CWF19L1: variants seen among roughly 807,000 people sequenced by gnomAD.
CWF19L1 encodes the protein CWF19-like protein 1.
CWF19L1 carries 60 observed loss-of-function variants against 69.7 expected under a neutral mutation model. That is an observed-to-expected ratio of 0.86 (90% CI 0.70 to 1.07). The LOEUF (loss-of-function observed/expected upper bound fraction) is 1.07. CWF19L1 is among the 50% of genes least tolerant of loss of function. The pLI is 0.00. For missense variants in CWF19L1, 591 were observed against 638.9 expected (o/e 0.92, Z 0.81); for synonymous variants, 209 against 222.2 (o/e 0.94, Z 0.53).
At chr10:100,240,411 A>G (rs1307815896) in intron 10 of CWF19L1, among the ~76,000 whole-genome samples, 2 of 152,194 alleles carry the variant, frequency 1.3e-5, no homozygotes, top group Admixed American at 1.3e-4. Context: ...AAACTCTTCC[A>G]CAGACACCCA....
Position 100,250,254 on chromosome 10 carries a change from C to T in CWF19L1, c.702G>A (p.Lys234=). The change falls in exon 7 of 14, where the codon AAG becomes AAA. Residue 234 remains lysine (K), a synonymous_variant. Coordinates refer to ENST00000354105, the MANE Select transcript of CWF19L1 (RefSeq NM_018294.6). ...CAAATAGGTAAATCTTTACCTTTTT[C>T]TTTTCTGGATTTCCAACATTTGCCA... ...IALANVGNPE[K]KKYLYAFSIV... is the part of the protein sequence containing the mutation. 1.9e-6 allele frequency: 3 copies of T among 1,604,718 alleles called. No individual in the cohort carries two copies. The highest frequency in any genetic ancestry group is 1.7e-6 in the Non-Finnish European group (2 of 1,171,804).
At chr10:100,245,943 G>A (rs758117886) in intron 8 of CWF19L1, 30 bp from the exon 9 acceptor site, 2 of 1,503,458 alleles carry the variant, frequency 1.3e-6, no homozygotes, top group South Asian at 2.3e-5. Context: ...AAGATTAAAT[G>A]TTATTCAACT....
intron 1 of CWF19L1, among the ~76,000 whole-genome samples, chr10:100,266,389 A>G (rs1847584911): frequency 6.7e-6 from 1 of 148,728 alleles, no homozygotes; most frequent in African/African-American, 2.5e-5. Context: ...GGGCCTTGCT[A>G]TATTGCCCAG....
rs77454699 is a variant in CWF19L1, at chr10:100,248,441, G to A, written c.709-1506C>T. ...AAGGGACTCACTTTCTCATTCCATGGGTACACAAACCTATTATCTTTGACT... is the reference window on the plus strand; with the variant it reads ...AAGGGACTCACTTTCTCATTCCATGAGTACACAAACCTATTATCTTTGACT... On this transcript the variant is annotated intron_variant, in intron 7 of 13. Coordinates refer to ENST00000354105, the MANE Select transcript of CWF19L1 (RefSeq NM_018294.6). 4,820 of 694,692 alleles carry A rather than the reference G, an allele frequency of 6.9e-3. 25 individuals are homozygous for A. Among genetic ancestry groups the A allele is most frequent in the Non-Finnish European group, 8.8e-3 (3,338 of 379,392 alleles). The allele number at this position is 694,692 out of a possible 1,614,324, so 43.0% of individuals were successfully genotyped here.
chr10:100,243,556 G>T, intron 10 of CWF19L1, 142 bp downstream of exon 10: 1 of 724,272 alleles, frequency 1.4e-6, no homozygotes, highest in Non-Finnish European at 2.4e-6. Flanking sequence ...ACGTGATGGT[G>T]GCATAACTCA....
Position 100,250,303 on chromosome 10 carries a change from T to C in CWF19L1, c.653A>G (p.Gln218Arg), listed in dbSNP as rs1334010982. ...RNHIILQENA[Q>R]HATRFIALAN... The stretch of plus-strand genomic sequence containing the variant: ...CAGAGCTATAAACCGGGTGGCATGC[T>C]GTGCATTTTCCTGTAGAATGATATG... Residue 218 changes from glutamine (Q) to arginine (R), a missense_variant, in exon 7 of 14, where the codon CAG (glutamine) becomes CGG (arginine). Gln to Arg is a conservative substitution (Grantham distance 43). Transcript: ENST00000354105. 6.2e-7 allele frequency: 1 copy of C among 1,612,516 alleles called. No individual in the cohort carries two copies. Among genetic ancestry groups the C allele is most frequent in the Non-Finnish European group, 8.5e-7 (1 of 1,178,792 alleles).
At chr10:100,256,956 C>A (rs151337511) in intron 4 of CWF19L1, among the ~76,000 whole-genome samples, 349 of 152,302 alleles carry the variant, frequency 2.3e-3, no homozygotes, top group African/African-American at 8.0e-3. Context: ...GCAGCGTGTG[C>A]CTGTAGTCCC....
chr10:100,246,919 C>T lies in CWF19L1; in HGVS notation c.725G>A (p.Ser242Asn), dbSNP rs1408188839. 12 of 1,611,630 alleles carry T rather than the reference C, an allele frequency of 7.4e-6. No homozygotes were observed. The highest frequency in any genetic ancestry group is 1.0e-5 in the Non-Finnish European group (12 of 1,178,448). Residue 242 changes from serine (S) to asparagine (N), a missense_variant, in exon 8 of 14, where the codon AGT (serine) becomes AAT (asparagine). This residue lies in a region of CWF19L1 where 458 missense variants were observed against 489.3 expected (regional missense o/e 0.94). Transcript: ENST00000354105. ...PEKKKYLYAF[S>N]IVPMKLMDAA... ...ATCCATTAGCTTCATGGGAACAATACTGAACGCGTAAAGATACTTTAGAGA... is the reference window on the plus strand; with the variant it reads ...ATCCATTAGCTTCATGGGAACAATATTGAACGCGTAAAGATACTTTAGAGA...
chr10:100,254,844 T>C (rs1454179354), intron 5 of CWF19L1, among the ~76,000 whole-genome samples: 1 of 152,194 alleles, frequency 6.6e-6, no homozygotes, highest in Non-Finnish European at 1.5e-5. Flanking sequence ...TGCTATATCC[T>C]TGTGCTCCAA....
intron 7 of CWF19L1, chr10:100,248,930 C>T: frequency 2.4e-6 from 2 of 829,940 alleles, no homozygotes; most frequent in Non-Finnish European, 4.2e-6. Context: ...GAGCTGATCG[C>T]CAACTCACTG....
Position 100,238,161 on chromosome 10 carries a change from T to C in CWF19L1, c.1115A>G (p.Gln372Arg), listed in dbSNP as rs1404712627. 6.2e-7 allele frequency: 1 copy of C among 1,614,154 alleles called. No individual in the cohort carries two copies. Among genetic ancestry groups the C allele is most frequent in the South Asian group, 1.1e-5 (1 of 91,084 alleles). The change falls in exon 11 of 14, where the codon CAG becomes CGG. Residue 372 changes from glutamine (Q) to arginine (R), a missense_variant. Around this residue, in one of 3 missense-constraint regions of CWF19L1, gnomAD observed 458 missense variants for 489.3 expected, o/e 0.94. Transcript: ENST00000354105. ...HVLILPIGHY[Q>R]SVVELSAEVV... is the part of the protein sequence containing the mutation. ...CTCTGCTGAAAGCTCCACCACTGAC[T>C]GGTAGTGTCCAATAGGCAGGATGAG... is the stretch of plus-strand genomic sequence containing the variant.
chr10:100,245,845 A>G lies in CWF19L1; in HGVS notation c.918T>C (p.Gly306=), dbSNP rs777678212. The part of the protein sequence containing the change: ...EKQGRKRSST[G]RDSKSSPHPK... ...GATGAGGAGAAGATTTGCTATCTCT[A>G]CCTGTGGATGAACGCTTCCTTCCCT... The change falls in exon 9 of 14, where the codon GGT becomes GGC. Residue 306 remains glycine (G), a synonymous_variant. Coordinates refer to ENST00000354105, the MANE Select transcript of CWF19L1 (RefSeq NM_018294.6). The G allele has an allele frequency of 1.9e-6, 3 of 1,614,064 alleles. No individual in the cohort carries two copies. Among genetic ancestry groups the G allele is most frequent in the Non-Finnish European group, 1.7e-6 (2 of 1,180,020 alleles).
In CWF19L1 at chr10:100,260,326, A is replaced by C; in HGVS notation, c.188-7T>G. On this transcript the variant is annotated splice_region_variant and splice_polypyrimidine_tract_variant and intron_variant, in intron 3 of 13. Transcript: ENST00000354105. Reference sequence around the variant, plus strand: ...ACATATGTCTGAATAGGAGCTAGTGAGGGAAACAGACATGACACCATATAG... The same window carrying C: ...ACATATGTCTGAATAGGAGCTAGTGCGGGAAACAGACATGACACCATATAG... 1 of 1,513,338 alleles carries C rather than the reference A, an allele frequency of 6.6e-7. No individual in the cohort carries two copies. Among genetic ancestry groups the C allele is most frequent in the Non-Finnish European group, 9.2e-7 (1 of 1,091,174 alleles). 93.7% of individuals were successfully genotyped at this position (1,513,338 alleles called of 1,614,324 possible).
chr10:100,260,904 A>C, intron 3 of CWF19L1, 62 bp downstream of exon 3: 1 of 1,021,410 alleles, frequency 9.8e-7, no homozygotes, highest in South Asian at 1.5e-5. Context: ...ACAACTCTGC[A>C]AGAACTCTGG....
chr10:100,250,094 C>A, intron 7 of CWF19L1, 154 bp downstream of exon 7: 1 of 653,996 alleles, frequency 1.5e-6, no homozygotes, highest in Non-Finnish European at 2.7e-6. Context: ...AGAGACTTGA[C>A]CTTTCATTAC....
chr10:100,262,377 CAA>C (rs1847434865), intron 1 of CWF19L1: 2 of 985,276 alleles, frequency 2.0e-6, no homozygotes, highest in Non-Finnish European at 2.4e-6. Flanking sequence ...ATCCAGTCAC[CAA>C]GTCCCATCAA....
In CWF19L1 at chr10:100,267,620, G is replaced by C. The variant is rs778073905; in HGVS notation, c.-27C>G. 8 of 1,613,778 alleles carry C rather than the reference G, an allele frequency of 5.0e-6. No individual in the cohort carries two copies. The Admixed American group carries it at 5.0e-5, about 10-fold the overall frequency. On this transcript the variant is annotated 5_prime_UTR_variant, in exon 1 of 14. Coordinates refer to ENST00000354105, the MANE Select transcript of CWF19L1 (RefSeq NM_018294.6). ...TGTCCGAATAGTATGGGTTGCGACT[G>C]CCACCTAAAATTGGGAATGCGAATC...
intron 6 of CWF19L1, among the ~76,000 whole-genome samples, 195 bp from the exon 7 acceptor site, chr10:100,250,527 G>A (rs1846991092): frequency 6.6e-6 from 1 of 151,826 alleles, no homozygotes; most frequent in Non-Finnish European, 1.5e-5. Flanking sequence ...GCTGTTTTAG[G>A]AAGAGATGAG....
Position 100,267,527 on chromosome 10 carries a change from C to T in CWF19L1, c.23+44G>A, listed in dbSNP as rs564608716. On this transcript the variant is annotated intron_variant, in intron 1 of 13. Coordinates refer to ENST00000354105, the MANE Select transcript of CWF19L1 (RefSeq NM_018294.6). ...CCGCCCGTGTCGTCACCTACACACA[C>T]GAAAGAGACACAGGGAGAGAGGCTT... is the stretch of plus-strand genomic sequence containing the variant. 5.6e-6 allele frequency: 9 copies of T among 1,614,076 alleles called. No individual in the cohort carries two copies. The South Asian group carries it at 7.7e-5, about 14-fold the overall frequency.
Sources: allele counts gnomAD v4.1 joint callset (sites outside exome capture counted in the v4.1 genomes callset), GRCh38; gene constraint gnomAD v4.1.1; regional missense constraint gnomAD v4.1.1; transcripts MANE v1.5; gene names NCBI Gene and HGNC (gene_info 2026-07-23, HGNC 2026-07-21).